Variants in RPTOR observed in about 807,000 individuals in gnomAD.
RPTOR encodes regulatory-associated protein of mTOR.
In RPTOR, 21 loss-of-function variants were observed where a neutral mutation model predicts 169.9. That is an observed-to-expected ratio of 0.12 (90% confidence interval 0.09 to 0.18). The LOEUF (loss-of-function observed/expected upper bound fraction) is 0.18. Among genes scored for constraint, RPTOR ranks in the 10% least tolerant of loss-of-function variants. The probability of loss-of-function intolerance (pLI) is 1.00; values close to 1 mark genes in which losing one functional copy is unlikely to be tolerated. For missense variants in RPTOR, 1,133 were observed against 1,855.9 expected (o/e 0.61, Z 7.16); for synonymous variants, 732 against 753.2 (o/e 0.97, Z 0.46).
At chr17:80,808,357 T>C (rs2067240136) in intron 7 of RPTOR, among the ~76,000 whole-genome samples, 1 of 152,110 alleles carries the variant, frequency 6.6e-6, no homozygotes, top group Non-Finnish European at 1.5e-5. Flanking sequence ...TCCCAGTGGT[T>C]GTGGCTGCAG....
At chr17:80,806,298 T>C (rs926512672) in intron 7 of RPTOR, among the ~76,000 whole-genome samples, 2 of 152,222 alleles carry the variant, frequency 1.3e-5, no homozygotes, top group Non-Finnish European at 2.9e-5. Context: ...CATGGTTGAT[T>C]AGTGGCTATG....
intron 3 of RPTOR, among the ~76,000 whole-genome samples, chr17:80,686,236 G>A (rs1473509974): frequency 1.3e-5 from 2 of 150,830 alleles, no homozygotes; most frequent in Non-Finnish European, 2.9e-5. Context: ...GCCCATGCTG[G>A]AGTGCGGTGG....
At chr17:80,864,520 T>C (rs923136028) in intron 13 of RPTOR, among the ~76,000 whole-genome samples, 4 of 152,174 alleles carry the variant, frequency 2.6e-5, no homozygotes, top group African/African-American at 9.7e-5. Context: ...GAGAAAAAAC[T>C]GTCAACCTAG....
intron 6 of RPTOR, among the ~76,000 whole-genome samples, chr17:80,781,448 G>A (rs1014908536): frequency 6.6e-6 from 1 of 152,098 alleles, no homozygotes; most frequent in African/African-American, 2.4e-5. Flanking sequence ...TGGTGCTGCC[G>A]AAAAGGAACT....
intron 7 of RPTOR, among the ~76,000 whole-genome samples, chr17:80,821,847 A>G (rs1338759705): frequency 6.6e-6 from 1 of 152,228 alleles, no homozygotes; most frequent in Non-Finnish European, 1.5e-5. Context: ...CCTGCAGAGC[A>G]TGATGTGGAC....
At chr17:80,678,190 A>T (rs565412211) in intron 3 of RPTOR, among the ~76,000 whole-genome samples, 1 of 152,318 alleles carries the variant, frequency 6.6e-6, no homozygotes, top group African/African-American at 2.4e-5. Context: ...AGTTGACAGA[A>T]AATTATAGGT....
chr17:80,951,824 G>A (rs2069182661), intron 28 of RPTOR, among the ~76,000 whole-genome samples: 1 of 152,234 alleles, frequency 6.6e-6, no homozygotes, highest in Non-Finnish European at 1.5e-5. Context: ...TGTCCCCCAT[G>A]CCGGCATGTC....
At position 80,891,732 on chromosome 17, in the gene RPTOR, G is replaced by T. The variant is rs1235798338; in HGVS notation, c.1996G>T (p.Ala666Ser). The change falls in exon 18 of 34, where the codon GCT becomes TCT. Residue 666 changes from alanine to serine, a missense_variant. Ala to Ser is a moderately conservative substitution (Grantham distance 99). Coordinates refer to ENST00000306801, the MANE Select transcript of RPTOR (RefSeq NM_020761.3). ...SPMVRKELVVALSHLVVQYES... is the reference protein window; with the variant it reads ...SPMVRKELVVSLSHLVVQYES... ...TCCCTCTCGGCAGGAGCTGGTGGTG[G>T]CTCTGAGTCATCTTGTGGTTCAGTA... 1.2e-6 allele frequency: 2 copies of T among 1,612,764 alleles called. No individual in the cohort carries two copies. The highest frequency in any genetic ancestry group is 1.7e-6 in the Non-Finnish European group (2 of 1,178,868).
At chr17:80,924,174 A>T (rs1567989801) in intron 23 of RPTOR, 1 of 155,622 alleles carries the variant, frequency 6.4e-6, no homozygotes, top group East Asian at 1.9e-4. Context: ...GTTGAAAAAG[A>T]TATTTCTGGA....
chr17:80,574,434 G>A (rs1164593862), intron 1 of RPTOR, among the ~76,000 whole-genome samples: 2 of 151,548 alleles, frequency 1.3e-5, no homozygotes, highest in African/African-American at 4.8e-5. Context: ...CCAAAGTGCT[G>A]GGATTACAGG....
At chr17:80,744,402 GC>G (rs1399260964) in intron 5 of RPTOR, among the ~76,000 whole-genome samples, 2 of 106,182 alleles carry the variant, frequency 1.9e-5, no homozygotes, top group African/African-American at 1.0e-4. Context: ...CACTGTCCTG[GC>G]TACTAGCACA....
chr17:80,697,693 G>A (rs1188891685), intron 3 of RPTOR, among the ~76,000 whole-genome samples: 1 of 152,232 alleles, frequency 6.6e-6, no homozygotes, highest in African/African-American at 2.4e-5. Context: ...CGGTGGGAAC[G>A]TGGTGAGGAC....
intron 7 of RPTOR, among the ~76,000 whole-genome samples, chr17:80,807,947 C>A (rs1416398171): frequency 2.6e-5 from 4 of 152,236 alleles, no homozygotes; most frequent in South Asian, 2.1e-4. Flanking sequence ...GGATGTGGTC[C>A]TTGGGCCATA....
intron 1 of RPTOR, among the ~76,000 whole-genome samples, chr17:80,554,775 C>A (rs1599544261): frequency 7.6e-6 from 1 of 131,320 alleles, no homozygotes; most frequent in African/African-American, 2.7e-5. Context: ...AAACAAACAA[C>A]AACAACAACA....
chr17:80,649,342 A>G (rs1026764606), intron 3 of RPTOR, among the ~76,000 whole-genome samples: 10 of 152,214 alleles, frequency 6.6e-5, no homozygotes, highest in Non-Finnish European at 1.3e-4. Context: ...TGCGATTGGC[A>G]GCATCCCTTG....
chr17:80,792,255 A>G (rs1330833105), intron 7 of RPTOR, among the ~76,000 whole-genome samples: 1 of 152,220 alleles, frequency 6.6e-6, no homozygotes, highest in Non-Finnish European at 1.5e-5. Context: ...TTAACATGCA[A>G]GATAATTGTT....
chr17:80,731,689 C>T (rs1388462019), intron 5 of RPTOR, among the ~76,000 whole-genome samples: 2 of 152,184 alleles, frequency 1.3e-5, no homozygotes, highest in South Asian at 4.1e-4. Flanking sequence ...ATGAGTTCTA[C>T]TGGTTGCAGT....
rs1324894374 is a variant in RPTOR, at chr17:80,803,679, G to A, written c.890+12170G>A. ...ATTCAGCAGACATCTGCTGCGGACT[G>A]GCTGTGTGCTAGGGCCTGTCCGAGG... is the stretch of plus-strand genomic sequence containing the variant. On this transcript the variant is annotated intron_variant, in intron 7 of 33. Transcript: ENST00000306801. The surrounding 1 kb of genome is among the most constrained non-coding windows in gnomAD (Gnocchi z 6.2). 1 of 152,288 alleles carries A rather than the reference G, an allele frequency of 6.6e-6. No individual in the cohort carries two copies. The highest frequency in any genetic ancestry group is 1.5e-5 in the Non-Finnish European group (1 of 68,074). The allele number at this position is 152,288 out of a possible 1,614,324, so 9.4% of individuals were successfully genotyped here.
At chr17:80,933,990 G>A (rs2068927097) in intron 24 of RPTOR, among the ~76,000 whole-genome samples, 1 of 151,814 alleles carries the variant, frequency 6.6e-6, no homozygotes, top group Non-Finnish European at 1.5e-5. Context: ...TGCCCAGGCT[G>A]GGGTTCAGCG....
Sources: allele counts gnomAD v4.1 joint callset (sites outside exome capture counted in the v4.1 genomes callset), GRCh38; gene constraint gnomAD v4.1.1; non-coding constraint Gnocchi (gnomAD v3.1); transcripts MANE v1.5; gene names NCBI Gene and HGNC (gene_info 2026-07-23, HGNC 2026-07-21).